The following KLF8 variants were observed in gnomAD, a reference collection of about 807,000 sequenced individuals.
KLF8 encodes the protein KLF transcription factor 8.
Under a neutral mutation model 18.2 loss-of-function variants are expected in KLF8, and 10 were observed. That is an observed-to-expected ratio of 0.55 (90% CI 0.34 to 0.93). The LOEUF (loss-of-function observed/expected upper bound fraction) is 0.93, where lower values mean the gene tolerates loss of function less well. Among genes scored for constraint, KLF8 ranks in the 40% least tolerant of loss-of-function variants. The pLI, the probability that KLF8 is intolerant of heterozygous loss-of-function variation, is 0.02. For missense variants in KLF8, 264 were observed against 277.9 expected (o/e 0.95, Z 0.36); for synonymous variants, 109 against 97.3 (o/e 1.12, Z -0.71).
intron 1 of KLF8, among the ~76,000 whole-genome samples, chrX:56,241,194 G>A (rs2066539466): frequency 9.0e-6 from 1 of 111,047 alleles, no homozygotes; most frequent in African/African-American, 3.3e-5. Context: ...TTGAGATGGA[G>A]CCTCGCTCTT....
At chrX:56,067,139 A>G in the KLF8 span, among the ~76,000 whole-genome samples, 1 of 106,103 alleles carries the variant, frequency 9.4e-6, no homozygotes, top group Non-Finnish European at 2.0e-5. Flanking sequence ...CTGTCTACTC[A>G]CTAATTTGGT....
chrX:56,077,035 A>G, the KLF8 span, among the ~76,000 whole-genome samples: 1 of 111,277 alleles, frequency 9.0e-6, no homozygotes, highest in African/African-American at 3.3e-5. Flanking sequence ...TAGATTCTGG[A>G]TATTAGCCCT....
intron 1 of KLF8, 35 bp downstream of exon 1, chrX:56,233,376 C>T (rs1336640707): frequency 4.9e-6 from 5 of 1,028,649 alleles, no homozygotes; most frequent in Admixed American, 2.2e-5. Flanking sequence ...CACCCACTCC[C>T]ACCTCTTTCG....
At chrX:55,957,014 A>C in the KLF8 span, among the ~76,000 whole-genome samples, 1 of 110,440 alleles carries the variant, frequency 9.1e-6, no homozygotes, top group Admixed American at 9.7e-5. Context: ...TTTTTTAGGA[A>C]TTTTATAATT....
chrX:56,003,163 G>C, the KLF8 span, among the ~76,000 whole-genome samples: 1 of 111,117 alleles, frequency 9.0e-6, no homozygotes, highest in East Asian at 2.8e-4. Flanking sequence ...GGCCAAGGCA[G>C]GCAGATCACC....
the KLF8 span, among the ~76,000 whole-genome samples, chrX:55,918,392 T>C: frequency 8.9e-6 from 1 of 112,135 alleles, no homozygotes; most frequent in Non-Finnish European, 1.9e-5. Flanking sequence ...GAGATATACA[T>C]GCTCATTCAG....
chrX:55,919,536 G>T, the KLF8 span, among the ~76,000 whole-genome samples: 2 of 111,709 alleles, frequency 1.8e-5, no homozygotes, highest in Non-Finnish European at 3.8e-5. Context: ...CGGGGGCATG[G>T]GGGAAGTGAA....
the KLF8 span, chrX:56,014,769 C>T: frequency 3.8e-5 from 4 of 104,012 alleles, no homozygotes; most frequent in Non-Finnish European, 7.8e-5. Flanking sequence ...AAATGTGGTA[C>T]ATGTACACCA....
chrX:56,126,837 C>G, the KLF8 span, among the ~76,000 whole-genome samples: 1 of 106,048 alleles, frequency 9.4e-6, no homozygotes, highest in Non-Finnish European at 1.9e-5. Flanking sequence ...ACTGCAACCT[C>G]CACCTCCCCA....
the KLF8 span, among the ~76,000 whole-genome samples, chrX:55,910,828 C>T: frequency 5.3e-5 from 6 of 112,159 alleles, no homozygotes; most frequent in African/African-American, 1.6e-4. Flanking sequence ...TTATTGCTAA[C>T]TTGTTCATGT....
At chrX:56,034,358 C>A in the KLF8 span, among the ~76,000 whole-genome samples, 2 of 111,593 alleles carry the variant, frequency 1.8e-5, no homozygotes, top group Non-Finnish European at 1.9e-5. Context: ...ATTTTTATTC[C>A]ATTTCTTTGT....
At chrX:56,138,058 A>AC in the KLF8 span, among the ~76,000 whole-genome samples, 1 of 106,505 alleles carries the variant, frequency 9.4e-6, no homozygotes, top group South Asian at 4.1e-4. Context: ...AAAAAAAAAA[A>AC]AAAAAAAACC....
At chrX:56,081,716 A>G in the KLF8 span, among the ~76,000 whole-genome samples, 3 of 111,981 alleles carry the variant, frequency 2.7e-5, no homozygotes, top group Admixed American at 1.9e-4. Context: ...GATGTTTTCA[A>G]TGCACTAATT....
the KLF8 span, among the ~76,000 whole-genome samples, chrX:56,070,375 C>A: frequency 9.0e-6 from 1 of 111,071 alleles, no homozygotes; most frequent in Admixed American, 9.6e-5. Context: ...TGTAACAAAC[C>A]TGCACGTTCT....
chrX:56,046,999 T>C, the KLF8 span, among the ~76,000 whole-genome samples: 1 of 111,472 alleles, frequency 9.0e-6, no homozygotes, highest in East Asian at 2.8e-4. Flanking sequence ...TGAACACCAA[T>C]AATTTTTAGG....
the KLF8 span, among the ~76,000 whole-genome samples, chrX:56,206,557 A>G: frequency 8.9e-6 from 1 of 112,620 alleles, no homozygotes; most frequent in East Asian, 2.8e-4. Flanking sequence ...ATCTCCTTTG[A>G]TTCCATGTCT....
At chrX:56,158,564 C>A in the KLF8 span, among the ~76,000 whole-genome samples, 14 of 111,150 alleles carry the variant, frequency 1.3e-4, no homozygotes, top group East Asian at 2.3e-3. Context: ...CTTTTATTTC[C>A]TTGAGCAGTG....
chrX:55,981,973 G>C, the KLF8 span, among the ~76,000 whole-genome samples: 2 of 110,867 alleles, frequency 1.8e-5, no homozygotes, highest in South Asian at 3.9e-4. Context: ...CTTTTTTTCT[G>C]GCTTTGTTAT....
At chrX:56,023,004 G>A in the KLF8 span, among the ~76,000 whole-genome samples, 1 of 110,986 alleles carries the variant, frequency 9.0e-6, no homozygotes, top group South Asian at 3.8e-4. Context: ...CAAACATTAG[G>A]TTAACCAAAA....
Sources: gnomAD v4.1 joint callset for allele counts (sites outside exome capture counted in the v4.1 genomes callset) on GRCh38, gnomAD v4.1.1 for gene constraint, MANE v1.5 for transcripts, NCBI Gene and HGNC (gene_info 2026-07-23, HGNC 2026-07-21) for gene names.